BLNK: variants seen among roughly 807,000 people sequenced by gnomAD.
The protein encoded by BLNK is B cell linker.
A neutral mutation model predicts 73.5 loss-of-function variants in BLNK; 29 were observed. The ratio of observed to expected loss-of-function variants is 0.39; its 90% CI spans 0.29 to 0.54. The LOEUF (loss-of-function observed/expected upper bound fraction) is 0.54, where lower values mean the gene tolerates loss of function less well. BLNK is among the 20% of genes least tolerant of loss of function. The pLI, the probability that BLNK is intolerant of heterozygous loss-of-function variation, is 0.61. For synonymous variants in BLNK, 176 were observed against 200.8 expected (o/e 0.88, Z 1.04); for missense variants, 460 against 562.8 (o/e 0.82, Z 1.85).
chr10:96,224,000 A>G lies in BLNK; in HGVS notation c.362-11T>C, dbSNP rs782293717. 7.4e-6 allele frequency: 12 copies of G among 1,612,530 alleles called. No homozygotes were observed. Among genetic ancestry groups the G allele is most frequent in the African/African-American group, 1.3e-5 (1 of 74,982 alleles). On this transcript the variant is annotated splice_polypyrimidine_tract_variant and intron_variant, in intron 5 of 16. Transcript: ENST00000224337. ...GGCTTGATCGATTGTCTTGAAAGGA[A>G]CAAACAAAAAACATAACATAAAAGA...
At chr10:96,220,472 G>C (rs879953482) in intron 6 of BLNK, among the ~76,000 whole-genome samples, 48 of 152,304 alleles carry the variant, frequency 3.2e-4, no homozygotes, top group Non-Finnish European at 6.9e-4. Context: ...AGGGTTTTAG[G>C]AGAAGGAATG....
Position 96,189,553 on chromosome 10 carries a change from G to C in BLNK, c.*2420C>G. Reference sequence around the variant, plus strand: ...TTTGGTGTTTTACGAGTTTTTTCCTGTTTTTTGAAGGATTCTTGTCCTTTT... The same window carrying C: ...TTTGGTGTTTTACGAGTTTTTTCCTCTTTTTTGAAGGATTCTTGTCCTTTT... On this transcript the variant is annotated 3_prime_UTR_variant, in exon 17 of 17. Coordinates refer to ENST00000224337, the MANE Select transcript of BLNK (RefSeq NM_013314.4). 1.5e-6 allele frequency: 1 copy of C among 661,048 alleles called. No individual in the cohort carries two copies. Among genetic ancestry groups the C allele is most frequent in the East Asian group, 3.2e-5 (1 of 31,596 alleles). The allele number at this position is 661,048 out of a possible 1,614,324, so 40.9% of individuals were successfully genotyped here.
At position 96,236,914 on chromosome 10, in the gene BLNK, G is replaced by GT. The variant is rs587709870; in HGVS notation, c.163+5820dup. Among the ~76,000 whole-genome samples the GT allele has an allele frequency of 3.7e-3, 564 of 152,272 alleles. 4 individuals carry two copies. The highest frequency in any genetic ancestry group is 0.012 in the African/African-American group (514 of 41,550). ...CCTTCACAGGATCATTAACAGAGGG[G>GT]TGGGGGTACAGCAATGGGGGACATA... is the stretch of plus-strand genomic sequence containing the variant. On this transcript the variant is annotated intron_variant, in intron 3 of 16. Coordinates refer to ENST00000224337, the MANE Select transcript of BLNK (RefSeq NM_013314.4).
At chr10:96,236,510 T>C (rs1591341325) in intron 3 of BLNK, among the ~76,000 whole-genome samples, 1 of 151,918 alleles carries the variant, frequency 6.6e-6, no homozygotes, top group South Asian at 2.1e-4. Context: ...CTGAGAGAGG[T>C]GTTCTGAGTC....
intron 1 of BLNK, among the ~76,000 whole-genome samples, chr10:96,256,880 CAA>C (rs1295010912): frequency 2.9e-5 from 3 of 103,494 alleles, no homozygotes; most frequent in Admixed American, 1.1e-4. Context: ...GACTCCATCT[CAA>C]AAAAAAAAAA....
chr10:96,267,349 A>T (rs1844049262), intron 1 of BLNK, among the ~76,000 whole-genome samples: 1 of 152,178 alleles, frequency 6.6e-6, no homozygotes, highest in Non-Finnish European at 1.5e-5. Flanking sequence ...AGGGTGTGGT[A>T]GGTGAGTGGG....
chr10:96,237,422 T>C (rs1842733753), intron 3 of BLNK, among the ~76,000 whole-genome samples: 1 of 152,164 alleles, frequency 6.6e-6, no homozygotes, highest in African/African-American at 2.4e-5. Context: ...CCCTGCATGA[T>C]AGCAGAGCCA....
At position 96,227,505 on chromosome 10, in the gene BLNK, T is replaced by A; in HGVS notation, c.266A>T (p.Glu89Val). 1 of 1,614,218 alleles carries A rather than the reference T, an allele frequency of 6.2e-7. No individual in the cohort carries two copies. The highest frequency in any genetic ancestry group is 1.7e-5 in the Admixed American group (1 of 60,034). The change falls in exon 5 of 17, where the codon GAG becomes GTG. Residue 89 changes from glutamate to valine, a missense_variant. By Grantham distance (121) the Glu-to-Val change is moderately radical. Transcript: ENST00000224337. ...SDSEMYVMPA[E>V]ENADDSYEPP... Reference sequence around the variant, plus strand: ...CTCGTAGCTGTCATCAGCGTTCTCCTCGGCGGGCATCACGTACATCTCTGA... The same window carrying A: ...CTCGTAGCTGTCATCAGCGTTCTCCACGGCGGGCATCACGTACATCTCTGA...
In BLNK at chr10:96,209,919, T is replaced by C. The variant is rs201179187; in HGVS notation, c.677-12A>G. 69 of 1,614,130 alleles carry C rather than the reference T, an allele frequency of 4.3e-5. No homozygotes were observed. Among genetic ancestry groups the C allele is most frequent in the Non-Finnish European group, 5.3e-5 (63 of 1,179,996 alleles). ...CCCACTGTTTCGACCTGCACAAACA[T>C]ATACACTACTCAGTCCCCAAGTCCT... is the stretch of plus-strand genomic sequence containing the variant. On this transcript the variant is annotated splice_polypyrimidine_tract_variant and intron_variant, in intron 8 of 16. Transcript: ENST00000224337.
intron 5 of BLNK, among the ~76,000 whole-genome samples, chr10:96,224,509 C>G (rs1336397689): frequency 1.3e-5 from 2 of 152,148 alleles, no homozygotes; most frequent in Non-Finnish European, 2.9e-5. Context: ...TCGCTCCATT[C>G]ACAGGGAATC....
At chr10:96,267,017 G>A (rs1431785335) in intron 1 of BLNK, among the ~76,000 whole-genome samples, 1 of 152,204 alleles carries the variant, frequency 6.6e-6, no homozygotes, top group Non-Finnish European at 1.5e-5. Flanking sequence ...AAACTGAATG[G>A]CTTCAGCTAG....
At chr10:96,270,054 G>A (rs1010981372) in intron 1 of BLNK, among the ~76,000 whole-genome samples, 5 of 151,882 alleles carry the variant, frequency 3.3e-5, no homozygotes, top group Admixed American at 6.6e-5. Context: ...TATCACCCCC[G>A]CCCCTCATGA....
intron 1 of BLNK, among the ~76,000 whole-genome samples, chr10:96,251,942 A>C (rs1564846929): frequency 6.6e-6 from 1 of 152,168 alleles, no homozygotes; most frequent in East Asian, 1.9e-4. Flanking sequence ...TTAGAATCCG[A>C]TAGATCTCAA....
chr10:96,195,708 A>G (rs2083448341), intron 16 of BLNK, among the ~76,000 whole-genome samples: 1 of 152,220 alleles, frequency 6.6e-6, no homozygotes, highest in Non-Finnish European at 1.5e-5. Context: ...TATAAGATGA[A>G]CAAGTTCTGG....
chr10:96,247,312 A>G (rs113857427), intron 1 of BLNK, among the ~76,000 whole-genome samples: 79 of 152,330 alleles, frequency 5.2e-4, no homozygotes, highest in Middle Eastern at 3.4e-3. Flanking sequence ...CTGTGAAGAA[A>G]GATATTCTGA....
At chr10:96,255,109 C>A (rs967299834) in intron 1 of BLNK, among the ~76,000 whole-genome samples, 2 of 152,118 alleles carry the variant, frequency 1.3e-5, no homozygotes, top group East Asian at 1.9e-4. Flanking sequence ...GCCAAGAGAG[C>A]ACAAGGAGAG....
intron 1 of BLNK, among the ~76,000 whole-genome samples, chr10:96,250,316 AG>A (rs1341255565): frequency 6.6e-6 from 1 of 152,074 alleles, no homozygotes; most frequent in Non-Finnish European, 1.5e-5. Context: ...CCTTTTCCTG[AG>A]GAACTATAGA....
At chr10:96,232,614 C>G (rs1842544130) in intron 3 of BLNK, among the ~76,000 whole-genome samples, 1 of 152,180 alleles carries the variant, frequency 6.6e-6, no homozygotes, top group Non-Finnish European at 1.5e-5. Flanking sequence ...AAGAGCCTCA[C>G]TCTACAAGCC....
At chr10:96,192,240 C>T (rs2083345138) in intron 16 of BLNK, 148 bp from the exon 17 acceptor site, 2 of 1,121,308 alleles carry the variant, frequency 1.8e-6, no homozygotes, top group East Asian at 5.2e-5. Flanking sequence ...TTAACAAAGG[C>T]TGTAACCTTC....
Sources: gnomAD v4.1 joint callset for allele counts (sites outside exome capture counted in the v4.1 genomes callset) on GRCh38, gnomAD v4.1.1 for gene constraint, MANE v1.5 for transcripts, NCBI Gene and HGNC (gene_info 2026-07-23, HGNC 2026-07-21) for gene names.